The following PA2G4 variants were observed in gnomAD, a reference collection of about 807,000 sequenced individuals.
PA2G4 encodes the protein proliferation-associated protein 2G4.
PA2G4 carries 8 observed loss-of-function variants against 53.3 expected under a neutral mutation model. The ratio of observed to expected loss-of-function variants is 0.15; its 90% CI spans 0.09 to 0.27. The LOEUF (loss-of-function observed/expected upper bound fraction) is 0.27, where lower values mean the gene tolerates loss of function less well. Among genes scored for constraint, PA2G4 ranks in the 10% least tolerant of loss-of-function variants. The pLI, the probability that PA2G4 is intolerant of heterozygous loss-of-function variation, is 1.00. For synonymous variants in PA2G4, 143 were observed against 169.8 expected, an observed-to-expected ratio of 0.84 and a Z score of 1.23; for missense variants, 208 against 486.8, an observed-to-expected ratio of 0.43 and a Z score of 5.39.
At chr12:56,109,371 G>A in intron 6 of PA2G4, 78 bp downstream of exon 6, 1 of 1,054,306 alleles carries the variant, frequency 9.5e-7, no homozygotes, top group East Asian at 2.5e-5. Context: ...TGTAATCCCA[G>A]AACTTTGGGA....
rs1331905138 is a variant in PA2G4 at position 56,111,399 on chromosome 12, C to T, written c.1066-77C>T. 2.1e-5 allele frequency: 34 copies of T among 1,600,428 alleles called. No homozygotes were observed. In the Admixed American group the frequency reaches 5.5e-4, roughly 26 times the overall value. ...GCCAGCAAAGTCCTGAAAAGAGCTG[C>T]AGTACTGAAAGTAACCCTTTATTTT... On this transcript the variant is annotated intron_variant, in intron 11 of 12. Coordinates refer to ENST00000303305, the MANE Select transcript of PA2G4 (RefSeq NM_006191.3).
intron 5 of PA2G4, 116 bp downstream of exon 5, chr12:56,107,729 T>G (rs1869330837): frequency 1.5e-6 from 1 of 653,586 alleles, no homozygotes; most frequent in Non-Finnish European, 2.7e-6. Context: ...AAACAGCTTT[T>G]TAAAATTAGC....
intron 5 of PA2G4, 116 bp from the exon 6 acceptor site, chr12:56,109,114 G>C: frequency 3.7e-6 from 2 of 534,234 alleles, no homozygotes; most frequent in Non-Finnish European, 6.5e-6. Context: ...GACAAAGCCA[G>C]ACTCCATCTC....
intron 10 of PA2G4, 59 bp from the exon 11 acceptor site, chr12:56,111,123 G>C: frequency 6.2e-7 from 1 of 1,613,652 alleles, no homozygotes; most frequent in Non-Finnish European, 8.5e-7. Flanking sequence ...TGTAAGTTCA[G>C]AAGAGCTAAG....
chr12:56,110,518 A>G, intron 8 of PA2G4, 41 bp downstream of exon 8: 7 of 1,613,938 alleles, frequency 4.3e-6, no homozygotes, highest in Non-Finnish European at 5.9e-6. Context: ...GGTGACTGAG[A>G]GTGTTCACCA....
At chr12:56,107,156 C>A in intron 3 of PA2G4, 31 bp from the exon 4 acceptor site, 1 of 1,603,690 alleles carries the variant, frequency 6.2e-7, no homozygotes, top group Non-Finnish European at 8.5e-7. Flanking sequence ...AATGCCAGTT[C>A]CTAATGCAGT....
At position 56,113,035 on chromosome 12, in the gene PA2G4, T is replaced by A. The variant is rs561248578; in HGVS notation, c.*147T>A. ...CCCCCACCCCAGTTCCCCAACCCACTCCCTTCCAACAACAACCAGCTCCAA... is the reference window on the plus strand; with the variant it reads ...CCCCCACCCCAGTTCCCCAACCCACACCCTTCCAACAACAACCAGCTCCAA... On this transcript the variant is annotated 3_prime_UTR_variant, in exon 13 of 13. Transcript: ENST00000303305. 8 of 507,068 alleles carry A rather than the reference T, an allele frequency of 1.6e-5. No individual in the cohort carries two copies. The East Asian group carries it at 2.5e-4, about 16-fold the overall frequency. 31.4% of individuals were successfully genotyped at this position (507,068 alleles called of 1,614,324 possible). A position where few individuals can be genotyped will look rare whatever the true frequency, so the allele number is the denominator to read the frequency against.
chr12:56,111,086 G>T, intron 10 of PA2G4, 28 bp downstream of exon 10: 2 of 1,613,006 alleles, frequency 1.2e-6, no homozygotes, highest in Middle Eastern at 1.7e-4. Flanking sequence ...CTTCACTTTG[G>T]ATTCCCTGAT....
chr12:56,109,800 T>A (rs1869380889), intron 6 of PA2G4, 57 bp from the exon 7 acceptor site: 2 of 1,308,164 alleles, frequency 1.5e-6, no homozygotes, highest in South Asian at 1.2e-5. Context: ...GTGGGTGGAT[T>A]TGGAAACCTT....
chr12:56,107,109 GT>G lies in PA2G4; in HGVS notation c.323+18del, dbSNP rs1869317638. The stretch of plus-strand genomic sequence containing the variant: ...CTTGGTAAAAATGTAAGGTTAAACC[GT>G]TTTAAAGCATTTTTCTTTTTTTAAA... On this transcript the variant is annotated intron_variant, in intron 3 of 12. Transcript: ENST00000303305. 6.2e-7 allele frequency: 1 copy of G among 1,606,076 alleles called. No individual in the cohort carries two copies. The highest frequency in any genetic ancestry group is 8.5e-7 in the Non-Finnish European group (1 of 1,172,696).
chr12:56,104,877 AGGCTGGCCC>A (rs1310916211), intron 1 of PA2G4, 52 bp downstream of exon 1: 2 of 1,493,198 alleles, frequency 1.3e-6, no homozygotes, highest in Non-Finnish European at 1.9e-6. Flanking sequence ...GAAAGGTAAC[AGGCTGGCCC>A]GGAAGGGGCT....
At chr12:56,110,827 T>C (rs1869405654) in intron 9 of PA2G4, 135 bp downstream of exon 9, 2 of 1,318,960 alleles carry the variant, frequency 1.5e-6, no homozygotes, top group East Asian at 2.3e-5. Flanking sequence ...CCCATCTCCT[T>C]CTCATTGAAG....
intron 4 of PA2G4, 70 bp from the exon 5 acceptor site, chr12:56,107,451 T>TATTA: frequency 8.4e-7 from 1 of 1,188,502 alleles, no homozygotes; most frequent in Non-Finnish European, 1.3e-6. Context: ...GGCTCACAGA[T>TATTA]ATTAACCAGA....
At position 56,112,941 on chromosome 12, in the gene PA2G4, A is replaced by G. The variant is rs927823205; in HGVS notation, c.*53A>G. ...CTCCTGCCTCATCCCCTTCCCACCA[A>G]ACCCCAGACTCTGTGAAGTGCAGTT... On this transcript the variant is annotated 3_prime_UTR_variant, in exon 13 of 13. Transcript: ENST00000303305. 43 of 1,202,508 alleles carry G rather than the reference A, an allele frequency of 3.6e-5. No individual in the cohort carries two copies. In the South Asian group the frequency reaches 5.9e-4, roughly 16 times the overall value. 74.5% of individuals were successfully genotyped at this position (1,202,508 alleles called of 1,614,324 possible).
Position 56,113,131 on chromosome 12 carries a change from A to G in PA2G4, c.*243A>G. ...ACTTTAAATGAAAAAAAGAAATTGA[A>G]TAATAAAATCAGGAGTCAAAATTCA... On this transcript the variant is annotated 3_prime_UTR_variant, in exon 13 of 13. Transcript: ENST00000303305. The G allele has an allele frequency of 2.7e-6, 1 of 368,866 alleles. No individual in the cohort carries two copies. Among genetic ancestry groups the G allele is most frequent in the Non-Finnish European group, 4.8e-6 (1 of 206,976 alleles). The allele number at this position is 368,866 out of a possible 1,614,324, so 22.8% of individuals were successfully genotyped here.
chr12:56,110,811 T>C (rs574256433), intron 9 of PA2G4, 119 bp downstream of exon 9: 30 of 1,328,610 alleles, frequency 2.3e-5, no homozygotes, highest in Non-Finnish European at 3.1e-5. Context: ...TCCCTCCCTC[T>C]CTCTCCCCAT....
chr12:56,105,740 T>G (rs1869286623), intron 1 of PA2G4, among the ~76,000 whole-genome samples: 1 of 152,236 alleles, frequency 6.6e-6, no homozygotes, highest in Non-Finnish European at 1.5e-5. Context: ...CAGATGCCAC[T>G]TTCTCTTTTC....
At chr12:56,112,050 G>T (rs1392229263) in intron 12 of PA2G4, among the ~76,000 whole-genome samples, 1 of 152,100 alleles carries the variant, frequency 6.6e-6, no homozygotes, top group African/African-American at 2.4e-5. Context: ...GGAGGCAGAG[G>T]TTGCAGTGGG....
At chr12:56,104,995 G>A (rs765601117) in intron 1 of PA2G4, 170 bp downstream of exon 1, 1 of 732,180 alleles carries the variant, frequency 1.4e-6, no homozygotes, top group Non-Finnish European at 2.5e-6. Flanking sequence ...TGGGACCTGA[G>A]CGGGCAGGCC....
Sources: allele counts gnomAD v4.1 joint callset (sites outside exome capture counted in the v4.1 genomes callset), GRCh38; gene constraint gnomAD v4.1.1; transcripts MANE v1.5; gene names NCBI Gene and HGNC (gene_info 2026-07-23, HGNC 2026-07-21).